Variants in DLC1 observed in about 807,000 individuals in gnomAD.
The protein encoded by DLC1 is DLC1 Rho GTPase activating protein, also known as rho GTPase-activating protein 7.
Under a neutral mutation model 140.3 loss-of-function variants are expected in DLC1, and 54 were observed. That is an observed-to-expected ratio of 0.38 (90% CI 0.31 to 0.48). The LOEUF (loss-of-function observed/expected upper bound fraction) is 0.48. Among genes scored for constraint, DLC1 ranks in the 20% least tolerant of loss-of-function variants. The pLI is 0.96. For missense variants in DLC1, 2,536 were observed against 1,907.0 expected (o/e 1.33, Z -6.14); for synonymous variants, 986 against 728.1 (o/e 1.35, Z -5.70).
chr8:13,168,663 C>G (rs557638142), intron 5 of DLC1, among the ~76,000 whole-genome samples: 1 of 152,234 alleles, frequency 6.6e-6, no homozygotes, highest in Non-Finnish European at 1.5e-5. Flanking sequence ...CCAGATAAGG[C>G]TCCTTTTGAT....
intron 4 of DLC1, among the ~76,000 whole-genome samples, chr8:13,382,122 T>TA (rs1281695797): frequency 1.3e-5 from 2 of 152,060 alleles, no homozygotes; most frequent in Admixed American, 6.6e-5. Context: ...ATGTAGAAAG[T>TA]AAAAAATGTA....
At chr8:13,196,111 C>CAT (rs1827038341) in intron 5 of DLC1, among the ~76,000 whole-genome samples, 1 of 151,724 alleles carries the variant, frequency 6.6e-6, no homozygotes, top group Admixed American at 6.6e-5. Flanking sequence ...CACACACACA[C>CAT]ACACACACAC....
intron 1 of DLC1, among the ~76,000 whole-genome samples, chr8:13,539,600 C>T (rs1803416947): frequency 6.6e-6 from 1 of 152,090 alleles, no homozygotes; most frequent in Admixed American, 6.6e-5. Flanking sequence ...CCCTTGAGGC[C>T]AGGAGCTTCT....
intron 4 of DLC1, among the ~76,000 whole-genome samples, chr8:13,367,194 G>C (rs1446640421): frequency 1.3e-5 from 2 of 152,164 alleles, no homozygotes; most frequent in Non-Finnish European, 2.9e-5. Flanking sequence ...TCTGGCTGCT[G>C]TCATACCTTG....
chr8:13,453,611 C>T (rs1208252834), intron 2 of DLC1, among the ~76,000 whole-genome samples: 4 of 134,914 alleles, frequency 3.0e-5, no homozygotes, highest in African/African-American at 1.1e-4. Context: ...GTTGAGCAGC[C>T]AATTCATTTG....
At chr8:13,570,794 T>G (rs1469237343) in intron 1 of DLC1, among the ~76,000 whole-genome samples, 1 of 152,174 alleles carries the variant, frequency 6.6e-6, no homozygotes, top group African/African-American at 2.4e-5. Flanking sequence ...TTTATTGTCC[T>G]GTCTTTATGA....
At chr8:13,330,553 T>A (rs1196050973) in intron 4 of DLC1, among the ~76,000 whole-genome samples, 1 of 152,162 alleles carries the variant, frequency 6.6e-6, no homozygotes, top group African/African-American at 2.4e-5. Context: ...GATAATTATA[T>A]AGGCCAGCAC....
At chr8:13,359,819 T>C (rs186491529) in intron 4 of DLC1, among the ~76,000 whole-genome samples, 1 of 152,286 alleles carries the variant, frequency 6.6e-6, no homozygotes, top group African/African-American at 2.4e-5. Context: ...AGCGATGAGA[T>C]GTGATTGTAA....
chr8:13,175,408 T>C (rs1825705979), intron 5 of DLC1, among the ~76,000 whole-genome samples: 1 of 152,062 alleles, frequency 6.6e-6, no homozygotes, highest in African/African-American at 2.4e-5. Flanking sequence ...AAATGACATT[T>C]GTAGTTTGAT....
At chr8:13,599,108 G>A (rs1360597158) in intron 1 of DLC1, among the ~76,000 whole-genome samples, 1 of 151,620 alleles carries the variant, frequency 6.6e-6, no homozygotes, top group Non-Finnish European at 1.5e-5. Context: ...AAACAAACTA[G>A]CATTCTGATT....
rs183464869 is a variant in DLC1, at chr8:13,110,603, G to T, written c.1502+139C>A. 138 of 746,648 alleles carry T rather than the reference G, an allele frequency of 1.8e-4. No individual in the cohort carries two copies. The African/African-American group carries it at 2.2e-3, about 12-fold the overall frequency. 46.3% of individuals were successfully genotyped at this position (746,648 alleles called of 1,614,324 possible). On this transcript the variant is annotated intron_variant, in intron 7 of 17. Transcript: ENST00000276297. Reference sequence around the variant, plus strand: ...TATTTTACTTAGTTTTTAATTAAAAGGTCTATGATCACTCTATGGTTTGCC... The same window carrying T: ...TATTTTACTTAGTTTTTAATTAAAATGTCTATGATCACTCTATGGTTTGCC...
chr8:13,227,221 T>C (rs1204845245), intron 5 of DLC1, among the ~76,000 whole-genome samples: 1 of 152,186 alleles, frequency 6.6e-6, no homozygotes, highest in Non-Finnish European at 1.5e-5. Context: ...CAAATTGCCT[T>C]CTTCCAAGTG....
chr8:13,303,785 G>C (rs192716888), intron 5 of DLC1, among the ~76,000 whole-genome samples: 2 of 152,130 alleles, frequency 1.3e-5, no homozygotes, highest in Non-Finnish European at 2.9e-5. Context: ...CTGGGCAACA[G>C]AGTGAGACTC....
At chr8:13,133,271 C>A (rs1368080700) in intron 5 of DLC1, 2 of 1,326,452 alleles carry the variant, frequency 1.5e-6, no homozygotes, top group Middle Eastern at 2.9e-4. Context: ...CGCCCTCGCT[C>A]GGGCAGTCGG....
Position 13,305,215 on chromosome 8 carries a change from G to A in DLC1, c.1348+54C>T, listed in dbSNP as rs551521713. On this transcript the variant is annotated intron_variant, in intron 5 of 17. Coordinates refer to ENST00000276297, the MANE Select transcript of DLC1 (RefSeq NM_182643.3). ...TTTAATAAAATGCCTATTTTAAGGT[G>A]AAATTTATTCTAAAATAGATTGGCG... is the stretch of plus-strand genomic sequence containing the variant. 7.3e-4 allele frequency: 1,162 copies of A among 1,593,610 alleles called. 17 individuals are homozygous for A. In the South Asian group the frequency reaches 0.013, roughly 18 times the overall value.
chr8:13,455,285 T>C (rs1448993699), intron 2 of DLC1, among the ~76,000 whole-genome samples: 3 of 152,232 alleles, frequency 2.0e-5, no homozygotes, highest in Non-Finnish European at 4.4e-5. Flanking sequence ...CACAATTGCC[T>C]ACACAGAAAC....
At chr8:13,249,967 C>A (rs1161317966) in intron 5 of DLC1, among the ~76,000 whole-genome samples, 2 of 152,136 alleles carry the variant, frequency 1.3e-5, no homozygotes, top group African/African-American at 4.8e-5. Flanking sequence ...TCCAGGATGG[C>A]TTGGGGGGCC....
chr8:13,109,842 G>A (rs1321469217), intron 7 of DLC1, among the ~76,000 whole-genome samples: 3 of 151,858 alleles, frequency 2.0e-5, no homozygotes, highest in South Asian at 4.2e-4. Context: ...CCGAGACCAC[G>A]CCACTGCACT....
At chr8:13,332,499 C>T (rs577534273) in intron 4 of DLC1, among the ~76,000 whole-genome samples, 30 of 151,264 alleles carry the variant, frequency 2.0e-4, no homozygotes, top group African/African-American at 5.8e-4. Context: ...GGCACGATCT[C>T]GGCTCATTGC....
Sources: allele counts gnomAD v4.1 joint callset (sites outside exome capture counted in the v4.1 genomes callset), GRCh38; gene constraint gnomAD v4.1.1; transcripts MANE v1.5; gene names NCBI Gene and HGNC (gene_info 2026-07-23, HGNC 2026-07-21).